Variants in COPS4 observed in about 807,000 individuals in gnomAD.
COPS4 encodes the protein COP9 signalosome complex subunit 4.
Under a neutral mutation model 55.1 loss-of-function variants are expected in COPS4, and 8 were observed. The observed-to-expected ratio is 0.15, with a 90% CI of 0.09 to 0.26. The LOEUF (loss-of-function observed/expected upper bound fraction) is 0.26. Ranked by LOEUF, COPS4 falls within the 10% of genes least tolerant of loss-of-function variation. The pLI is 1.00. For synonymous variants in COPS4, 185 were observed against 165.7 expected (o/e 1.12, Z -0.90); for missense variants, 248 against 484.0 (o/e 0.51, Z 4.58).
intron 7 of COPS4, 46 bp from the exon 8 acceptor site, chr4:83,066,392 G>C: frequency 1.1e-6 from 1 of 943,690 alleles, no homozygotes; most frequent in Admixed American, 2.4e-5. Context: ...TCTTTTTAGA[G>C]TATAAAACTA....
In COPS4 at chr4:83,050,711, G is replaced by A. The variant is rs535216209; in HGVS notation, c.410+727G>A. On this transcript the variant is annotated intron_variant, in intron 4 of 9. Transcript: ENST00000264389. The stretch of plus-strand genomic sequence containing the variant: ...TTTCTTAATAAGAGCAAGGAGGCCA[G>A]TGTGGATAGAGTAGAGTGAGCAAAG... Among the ~76,000 whole-genome samples the A allele has an allele frequency of 6.1e-4, 93 of 152,242 alleles. No individual in the cohort carries two copies. In the Middle Eastern group the frequency reaches 0.01, roughly 17 times the overall value.
At chr4:83,062,363 G>A (rs1368858941) in intron 6 of COPS4, among the ~76,000 whole-genome samples, 5 of 152,164 alleles carry the variant, frequency 3.3e-5, no homozygotes, top group African/African-American at 9.7e-5. Context: ...TTCTTTATCT[G>A]TGGATTCCAT....
At position 83,035,185 on chromosome 4, in the gene COPS4, T is replaced by G; in HGVS notation, c.-40T>G. 8 of 1,503,224 alleles carry G rather than the reference T, an allele frequency of 5.3e-6. No individual in the cohort carries two copies. Among genetic ancestry groups the G allele is most frequent in the Non-Finnish European group, 7.2e-6 (8 of 1,106,058 alleles). The allele number at this position is 1,503,224 out of a possible 1,614,324, so 93.1% of individuals were successfully genotyped here. A position where few individuals can be genotyped will look rare whatever the true frequency, so the allele number is the denominator to read the frequency against. On this transcript the variant is annotated 5_prime_UTR_variant, in exon 1 of 10. Transcript: ENST00000264389. The stretch of plus-strand genomic sequence containing the variant: ...GGACCACACTCGTTTTCTTTTTGGC[T>G]GCCAGAGGCCCCCGCATCCACCGCT...
chr4:83,045,679 A>G lies in COPS4; in HGVS notation c.128A>G (p.Glu43Gly), dbSNP rs1361338719. The change falls in exon 2 of 10, where the codon GAA becomes GGA. Residue 43 changes from glutamate (E) to glycine (G), a missense_variant. This residue lies in a region of COPS4 where 55 missense variants were observed against 62.8 expected (regional missense o/e 0.88). Transcript: ENST00000264389. ...CAGTTATCTGGAGCAGAACAACTAG[A>G]AGCTTTGAAAGCTTTTGTGGAAGCA... is the stretch of plus-strand genomic sequence containing the variant. ...AIQLSGAEQL[E>G]ALKAFVEAMV... 1 of 1,612,882 alleles carries G rather than the reference A, an allele frequency of 6.2e-7. No individual in the cohort carries two copies. Among genetic ancestry groups the G allele is most frequent in the East Asian group, 2.2e-5 (1 of 44,752 alleles).
chr4:83,070,038 CT>C (rs1457197164), intron 9 of COPS4, among the ~76,000 whole-genome samples: 2 of 152,194 alleles, frequency 1.3e-5, no homozygotes, highest in Non-Finnish European at 2.9e-5. Flanking sequence ...CTCATCTTGA[CT>C]TTTCAACATA....
At chr4:83,048,051 A>G (rs1730767213) in intron 2 of COPS4, among the ~76,000 whole-genome samples, 1 of 152,198 alleles carries the variant, frequency 6.6e-6, no homozygotes, top group Non-Finnish European at 1.5e-5. Context: ...TTATCTAAGC[A>G]ATAGTTTACA....
intron 7 of COPS4, among the ~76,000 whole-genome samples, chr4:83,065,424 G>T (rs1731271418): frequency 6.6e-6 from 1 of 152,200 alleles, no homozygotes; most frequent in African/African-American, 2.4e-5. Context: ...GGAGATAGGA[G>T]TTAAGTGAAA....
chr4:83,054,335 C>T (rs1730963296), intron 4 of COPS4, among the ~76,000 whole-genome samples: 2 of 151,268 alleles, frequency 1.3e-5, no homozygotes, highest in Admixed American at 1.3e-4. Context: ...GAGCGAGACT[C>T]CATCTCAAAA....
At chr4:83,047,480 G>A (rs72931121) in intron 2 of COPS4, among the ~76,000 whole-genome samples, 4,501 of 152,016 alleles carry the variant, frequency 0.03, 232 homozygotes, top group African/African-American at 0.1. Context: ...CTTGAGCCCC[G>A]GTGGTCGAGA....
Position 83,056,354 on chromosome 4 carries a change from C to T in COPS4, c.411-572C>T, listed in dbSNP as rs139642796. 3.4e-3 allele frequency among the ~76,000 whole-genome samples: 512 copies of T among 152,276 alleles called. 5 individuals are homozygous for T. Among genetic ancestry groups the T allele is most frequent in the African/African-American group, 0.012 (481 of 41,544 alleles). On this transcript the variant is annotated intron_variant, in intron 4 of 9. Transcript: ENST00000264389. The stretch of plus-strand genomic sequence containing the variant: ...TTTCTAGGAAGGTTGTCCCACTAGT[C>T]ATATATGATATACCCCTAAACTGGG...
intron 9 of COPS4, among the ~76,000 whole-genome samples, chr4:83,071,562 A>G (rs1731432726): frequency 6.6e-6 from 1 of 152,086 alleles, no homozygotes; most frequent in South Asian, 2.1e-4. Context: ...AGGAAGGACT[A>G]CAGGTGTACA....
At position 83,060,601 on chromosome 4, in the gene COPS4, C is replaced by T. The variant is rs538930996; in HGVS notation, c.716-2475C>T. ...GATTAAAGGCATGAGCCACCGTGCC[C>T]GGCCGACAGATGGTATAGTTTCTTA... On this transcript the variant is annotated intron_variant, in intron 6 of 9. Coordinates refer to ENST00000264389, the MANE Select transcript of COPS4 (RefSeq NM_016129.3). 8.6e-5 allele frequency among the ~76,000 whole-genome samples: 13 copies of T among 151,830 alleles called. No homozygotes were observed. In the East Asian group the frequency reaches 1.8e-3, roughly 21 times the overall value.
At chr4:83,055,514 G>T (rs1483289002) in intron 4 of COPS4, among the ~76,000 whole-genome samples, 1 of 151,298 alleles carries the variant, frequency 6.6e-6, no homozygotes, top group East Asian at 1.9e-4. Flanking sequence ...CATGATCTCG[G>T]CTTACTGCAA....
intron 6 of COPS4, among the ~76,000 whole-genome samples, chr4:83,057,721 G>A (rs1170988562): frequency 5.3e-5 from 8 of 151,974 alleles, no homozygotes; most frequent in Admixed American, 5.2e-4. Context: ...AGGAGATCGA[G>A]ACCATCCTGG....
chr4:83,047,760 G>A (rs1346244479), intron 2 of COPS4, among the ~76,000 whole-genome samples: 3 of 152,170 alleles, frequency 2.0e-5, no homozygotes, highest in Non-Finnish European at 4.4e-5. Flanking sequence ...CAGCACTTTG[G>A]GAGACCGAGA....
At chr4:83,035,356 A>C in intron 1 of COPS4, 58 bp downstream of exon 1, 7 of 1,369,554 alleles carry the variant, frequency 5.1e-6, no homozygotes, top group Non-Finnish European at 6.9e-6. Context: ...CCACAGCCTT[A>C]ATCTCCTTAG....
intron 1 of COPS4, among the ~76,000 whole-genome samples, chr4:83,044,784 C>T (rs1730663899): frequency 6.6e-6 from 1 of 151,496 alleles, no homozygotes; most frequent in African/African-American, 2.4e-5. Context: ...TCAAAAACAA[C>T]AACAACAACA....
At position 83,060,596 on chromosome 4, in the gene COPS4, G is replaced by A. The variant is rs78811339; in HGVS notation, c.716-2480G>A. ...GCTGGGATTAAAGGCATGAGCCACC[G>A]TGCCCGGCCGACAGATGGTATAGTT... On this transcript the variant is annotated intron_variant, in intron 6 of 9. Coordinates refer to ENST00000264389, the MANE Select transcript of COPS4 (RefSeq NM_016129.3). Among the ~76,000 whole-genome samples the A allele has an allele frequency of 6.6e-5, 10 of 151,614 alleles. No individual in the cohort carries two copies. The East Asian group carries it at 2.0e-3, about 30-fold the overall frequency.
chr4:83,069,032 A>G (rs1578721952), intron 9 of COPS4, among the ~76,000 whole-genome samples: 2 of 152,196 alleles, frequency 1.3e-5, no homozygotes, highest in Non-Finnish European at 1.5e-5. Context: ...ATGTTAAGGA[A>G]AAATTTGAAA....
Sources: gnomAD v4.1 joint callset for allele counts (sites outside exome capture counted in the v4.1 genomes callset) on GRCh38, gnomAD v4.1.1 for gene constraint, gnomAD v4.1.1 regional missense constraint, MANE v1.5 for transcripts, NCBI Gene and HGNC (gene_info 2026-07-23, HGNC 2026-07-21) for gene names.